MYO16: variants seen among roughly 807,000 people sequenced by gnomAD.
MYO16 encodes unconventional myosin-XVI.
Under a neutral mutation model 205.3 loss-of-function variants are expected in MYO16, and 94 were observed. The observed-to-expected ratio is 0.46, with a 90% CI of 0.39 to 0.54. The LOEUF is 0.54. Among genes scored for constraint, MYO16 ranks in the 20% least tolerant of loss-of-function variants. The pLI is 0.00. For synonymous variants in MYO16, 988 were observed against 954.0 expected (o/e 1.04, Z -0.66); for missense variants, 2,315 against 2,387.5 (o/e 0.97, Z 0.63).
Position 109,140,654 on chromosome 13 carries a change from T to G in MYO16, c.4442T>G (p.Leu1481Arg). ...CTGCTCCACGGCGCATCGCCGCCCC[T>G]GCTCCACCGCGCGCCGGAGGACGAG... Reference protein sequence around the residue: ...SFLLHGASPPLLHRAPEDEAA... With the variant: ...SFLLHGASPPRLHRAPEDEAA... The change falls in exon 32 of 35, where the codon CTG (leucine) becomes CGG (arginine). Residue 1481 changes from leucine (L) to arginine (R), a missense_variant. Leu to Arg is a moderately radical substitution (Grantham distance 102). Around this residue, in one of 3 missense-constraint regions of MYO16, gnomAD observed 1,097 missense variants for 1,092.0 expected, o/e 1.00. Transcript: ENST00000457511. The surrounding 1 kb of genome is among the most constrained non-coding windows in gnomAD (Gnocchi z 8.0). 6.7e-7 allele frequency: 1 copy of G among 1,499,198 alleles called. No individual in the cohort carries two copies. Among genetic ancestry groups the G allele is most frequent in the Non-Finnish European group, 8.9e-7 (1 of 1,128,354 alleles). 92.9% of individuals were successfully genotyped at this position (1,499,198 alleles called of 1,614,324 possible).
upstream of MYO16, among the ~76,000 whole-genome samples, chr13:108,626,201 A>T (rs1000187490): frequency 6.6e-6 from 1 of 152,196 alleles, no homozygotes; most frequent in Admixed American, 6.5e-5. Context: ...TAGTGTGAAT[A>T]ATGAGCAGCT....
At chr13:108,627,138 T>G (rs1879773382), upstream of MYO16, among the ~76,000 whole-genome samples, 1 of 151,702 alleles carries the variant, frequency 6.6e-6, no homozygotes, top group African/African-American at 2.4e-5. Flanking sequence ...GGAACCAAAA[T>G]TATTTTCCTC....
intron 2 of MYO16, among the ~76,000 whole-genome samples, chr13:108,695,080 C>A (rs899717766): frequency 1.6e-4 from 25 of 152,188 alleles, no homozygotes; most frequent in African/African-American, 5.5e-4. Flanking sequence ...CCATTGCACT[C>A]CAGCCTGGGC....
At chr13:109,182,922 G>T (rs955858666) in intron 34 of MYO16, among the ~76,000 whole-genome samples, 1 of 152,184 alleles carries the variant, frequency 6.6e-6, no homozygotes, top group African/African-American at 2.4e-5. Flanking sequence ...TGTGCATGGG[G>T]CTGTGTTCCT....
At chr13:108,805,925 A>AAAAAAAATAAATAAAT (rs1887098176) in intron 6 of MYO16, among the ~76,000 whole-genome samples, 1 of 137,028 alleles carries the variant, frequency 7.3e-6, no homozygotes, top group African/African-American at 2.7e-5. Flanking sequence ...AGTCTCTACC[A>AAAAAAAATAAATAAAT]AAATAAATAA....
chr13:108,576,560 C>T, the MYO16 span, among the ~76,000 whole-genome samples: 1 of 152,152 alleles, frequency 6.6e-6, no homozygotes, highest in Non-Finnish European at 1.5e-5. Flanking sequence ...TGAAAAATAA[C>T]ATCTTTAACT....
At chr13:109,024,460 A>T (rs188974934) in intron 23 of MYO16, among the ~76,000 whole-genome samples, 3 of 152,048 alleles carry the variant, frequency 2.0e-5, no homozygotes, top group Non-Finnish European at 4.4e-5. Flanking sequence ...ATAGTTTTTA[A>T]ATCATTTTAT....
chr13:108,865,513 CT>C (rs1291442832), intron 11 of MYO16, among the ~76,000 whole-genome samples: 1 of 151,296 alleles, frequency 6.6e-6, no homozygotes, highest in Non-Finnish European at 1.5e-5. Context: ...TTGCTTCATC[CT>C]TTTCCCTTTT....
chr13:108,665,822 G>C (rs1201889789), intron 1 of MYO16, 64 bp from the exon 2 acceptor site: 2 of 1,488,270 alleles, frequency 1.3e-6, no homozygotes, highest in South Asian at 1.2e-5. Flanking sequence ...CAAGTGTGCT[G>C]TGGTGCACAC....
intron 15 of MYO16, among the ~76,000 whole-genome samples, chr13:108,904,092 G>A (rs1880846204): frequency 1.3e-5 from 2 of 152,044 alleles, no homozygotes; most frequent in Admixed American, 6.6e-5. Flanking sequence ...TCTTTCATCA[G>A]CAATGTAACC....
intron 20 of MYO16, among the ~76,000 whole-genome samples, chr13:108,973,113 AG>A (rs1283646707): frequency 2.0e-5 from 3 of 152,056 alleles, no homozygotes; most frequent in Non-Finnish European, 4.4e-5. Context: ...TCTTTCACCG[AG>A]AAGCAAGGGG....
At chr13:108,788,232 G>A (rs1448411747) in intron 5 of MYO16, among the ~76,000 whole-genome samples, 1 of 152,140 alleles carries the variant, frequency 6.6e-6, no homozygotes, top group African/African-American at 2.4e-5. Flanking sequence ...GAAACTCGCT[G>A]GTCACAAGTC....
chr13:108,679,456 G>A (rs1344845189), intron 2 of MYO16, among the ~76,000 whole-genome samples: 13 of 152,064 alleles, frequency 8.5e-5, no homozygotes, highest in Admixed American at 3.3e-4. Context: ...CTAGAACAAC[G>A]ACTTGCACAA....
intron 9 of MYO16, among the ~76,000 whole-genome samples, chr13:108,838,361 A>C (rs1055912302): frequency 6.6e-6 from 1 of 152,146 alleles, no homozygotes; most frequent in Non-Finnish European, 1.5e-5. Context: ...AATTATAAAA[A>C]AAATAGGGAA....
upstream of MYO16, among the ~76,000 whole-genome samples, chr13:108,626,530 G>A (rs888405823): frequency 2.6e-5 from 4 of 152,062 alleles, no homozygotes; most frequent in African/African-American, 4.8e-5. Flanking sequence ...AGATTTAGCC[G>A]GGCATGGTGG....
intron 23 of MYO16, among the ~76,000 whole-genome samples, chr13:109,045,942 T>C (rs1887026747): frequency 6.6e-6 from 1 of 151,872 alleles, no homozygotes; most frequent in African/African-American, 2.4e-5. Context: ...ATAACTCTTA[T>C]ACTCCCGCAT....
In MYO16 at chr13:108,951,933, A is replaced by G. The variant is rs1238666799; in HGVS notation, c.1926-5755A>G. Among the ~76,000 whole-genome samples, 5 of 152,204 alleles carry G rather than the reference A, an allele frequency of 3.3e-5. No individual in the cohort carries two copies. In the East Asian group the frequency reaches 5.8e-4, roughly 18 times the overall value. On this transcript the variant is annotated intron_variant, in intron 16 of 34. Transcript: ENST00000457511. ...AGCCTTGCCAACATGGCGAAATGCC[A>G]TCACTACTAAAAAAACACAAAAATT...
At chr13:108,533,434 A>G in the MYO16 span, among the ~76,000 whole-genome samples, 1 of 152,204 alleles carries the variant, frequency 6.6e-6, no homozygotes, top group Admixed American at 6.5e-5. Flanking sequence ...GTTACATGAT[A>G]TAATTTGACC....
In MYO16 at chr13:108,785,635, G is replaced by T. The variant is rs929132343; in HGVS notation, c.508G>T (p.Ala170Ser). ...GTTATATTTTTTTCTTTTTATCTAG[G>T]CTGGAGCCAATGTCCTTCTCCAGGA... ...NPDIVLLLVLAGANVLLQDVN... is the reference protein window; with the variant it reads ...NPDIVLLLVLSGANVLLQDVN... The change falls in exon 5 of 35, where the codon GCT becomes TCT. Residue 170 changes from alanine to serine, a missense_variant and splice_region_variant. This residue lies in a region of MYO16 where 1,213 missense variants were observed against 1,274.4 expected (regional missense o/e 0.95). Coordinates refer to ENST00000457511, the MANE Select transcript of MYO16 (RefSeq NM_001198950.3). The T allele has an allele frequency of 6.3e-7, 1 of 1,596,304 alleles. No homozygotes were observed. The highest frequency in any genetic ancestry group is 8.5e-7 in the Non-Finnish European group (1 of 1,171,648).
Sources: gnomAD v4.1 joint callset for allele counts (sites outside exome capture counted in the v4.1 genomes callset) on GRCh38, gnomAD v4.1.1 for gene constraint, gnomAD v4.1.1 regional missense constraint, Gnocchi (gnomAD v3.1) non-coding constraint, MANE v1.5 for transcripts, NCBI Gene and HGNC (gene_info 2026-07-23, HGNC 2026-07-21) for gene names.